R3HDM2: variants seen among roughly 807,000 people sequenced by gnomAD.
R3HDM2 encodes R3H domain containing 2, also known as R3H domain-containing protein 2.
In R3HDM2, 38 loss-of-function variants were observed where a neutral mutation model predicts 124.5. That is an observed-to-expected ratio of 0.31 (90% CI 0.24 to 0.40). R3HDM2 has a LOEUF of 0.40. R3HDM2 is among the 10% of genes least tolerant of loss of function. The pLI is 1.00. For synonymous variants in R3HDM2, 391 were observed against 448.0 expected, an observed-to-expected ratio of 0.87 and a Z score of 1.61; for missense variants, 869 against 1,236.9, an observed-to-expected ratio of 0.70 and a Z score of 4.46.
chr12:57,370,034 GCT>G (rs1327378710), intron 2 of R3HDM2, among the ~76,000 whole-genome samples: 1 of 152,078 alleles, frequency 6.6e-6, no homozygotes, highest in Non-Finnish European at 1.5e-5. Flanking sequence ...TTTTCAACTG[GCT>G]TTTTCAAGGA....
chr12:57,348,134 C>T (rs1008244081), intron 2 of R3HDM2, among the ~76,000 whole-genome samples: 1 of 152,126 alleles, frequency 6.6e-6, no homozygotes, highest in African/African-American at 2.4e-5. Flanking sequence ...AAGTGAGAAA[C>T]AGAAATCAGC....
chr12:57,360,108 A>C (rs1398699817), intron 2 of R3HDM2, among the ~76,000 whole-genome samples: 1 of 146,870 alleles, frequency 6.8e-6, no homozygotes, highest in African/African-American at 2.5e-5. Flanking sequence ...AGATCACTGC[A>C]ACCTCCGCCT....
chr12:57,405,629 C>A (rs1257200886), intron 1 of R3HDM2, among the ~76,000 whole-genome samples: 1 of 151,832 alleles, frequency 6.6e-6, no homozygotes, highest in Non-Finnish European at 1.5e-5. Context: ...GTGAGACTGT[C>A]TCAAAAAAAG....
At chr12:57,400,691 C>A (rs2067968044) in intron 1 of R3HDM2, among the ~76,000 whole-genome samples, 1 of 152,104 alleles carries the variant, frequency 6.6e-6, no homozygotes, top group African/African-American at 2.4e-5. Context: ...CTTCATGGAG[C>A]AACTAGCAAC....
chr12:57,329,438 G>A (rs979787048), intron 2 of R3HDM2, among the ~76,000 whole-genome samples: 2 of 152,112 alleles, frequency 1.3e-5, no homozygotes, highest in African/African-American at 4.8e-5. Context: ...TTATCTGTAG[G>A]ATAGGCATGA....
intron 1 of R3HDM2, among the ~76,000 whole-genome samples, chr12:57,420,537 T>A (rs76301555): frequency 6.6e-6 from 1 of 151,088 alleles, no homozygotes; most frequent in Non-Finnish European, 1.5e-5. Flanking sequence ...TTTTTTTTTT[T>A]AATAGAGATG....
chr12:57,389,044 T>C (rs2066292243), intron 2 of R3HDM2, among the ~76,000 whole-genome samples: 1 of 152,168 alleles, frequency 6.6e-6, no homozygotes, highest in African/African-American at 2.4e-5. Context: ...AACAACAGAA[T>C]GGTTTTGGAC....
intron 2 of R3HDM2, among the ~76,000 whole-genome samples, chr12:57,352,686 G>A (rs1170482992): frequency 6.6e-6 from 1 of 151,864 alleles, no homozygotes; most frequent in Non-Finnish European, 1.5e-5. Context: ...TAGACATGGG[G>A]TTTCACCATG....
chr12:57,347,161 A>T (rs2060173649), intron 2 of R3HDM2, among the ~76,000 whole-genome samples: 1 of 152,052 alleles, frequency 6.6e-6, no homozygotes, highest in African/African-American at 2.4e-5. Flanking sequence ...AGGGAGGATC[A>T]CTTGAGTCCA....
intron 1 of R3HDM2, among the ~76,000 whole-genome samples, chr12:57,426,456 G>C (rs1466130364): frequency 6.6e-6 from 1 of 152,172 alleles, no homozygotes; most frequent in African/African-American, 2.4e-5. Flanking sequence ...GTCTCTACAT[G>C]AATTGGTGGG....
At chr12:57,429,448 T>C (rs533063764) in intron 1 of R3HDM2, among the ~76,000 whole-genome samples, 1 of 152,236 alleles carries the variant, frequency 6.6e-6, no homozygotes, top group East Asian at 1.9e-4. Flanking sequence ...ACTTTTTGTC[T>C]TTCCCGGCGC....
At chr12:57,401,375 G>A (rs2068034417) in intron 1 of R3HDM2, among the ~76,000 whole-genome samples, 1 of 151,902 alleles carries the variant, frequency 6.6e-6, no homozygotes, top group Admixed American at 6.6e-5. Flanking sequence ...GCCTGCAAGA[G>A]GCCATACCAA....
At chr12:57,352,484 G>A (rs919449418) in intron 2 of R3HDM2, among the ~76,000 whole-genome samples, 1 of 150,154 alleles carries the variant, frequency 6.7e-6, no homozygotes, top group Non-Finnish European at 1.5e-5. Flanking sequence ...TGCCACACTA[G>A]GCAAACGCTT....
intron 2 of R3HDM2, among the ~76,000 whole-genome samples, chr12:57,345,608 A>G (rs2060013055): frequency 6.6e-6 from 1 of 152,008 alleles, no homozygotes; most frequent in South Asian, 2.1e-4. Flanking sequence ...ATTGCAGCTC[A>G]CTGCAGCGTT....
chr12:57,341,632 G>A (rs771535639), intron 2 of R3HDM2: 6 of 156,936 alleles, frequency 3.8e-5, no homozygotes, highest in Non-Finnish European at 8.3e-5. Flanking sequence ...TAGTAAAAAG[G>A]TTTTAACAAA....
intron 2 of R3HDM2, among the ~76,000 whole-genome samples, chr12:57,358,234 G>A (rs551250811): frequency 5.9e-5 from 9 of 151,816 alleles, no homozygotes; most frequent in South Asian, 4.2e-4. Flanking sequence ...TGATCCGCCC[G>A]CCTAGGCCTC....
intron 2 of R3HDM2, among the ~76,000 whole-genome samples, chr12:57,370,771 G>A (rs1023438297): frequency 1.3e-5 from 2 of 152,070 alleles, no homozygotes; most frequent in Admixed American, 6.6e-5. Context: ...AAAGCACAAG[G>A]GAAAAATAGT....
chr12:57,315,328 A>G (rs926290776), intron 2 of R3HDM2, among the ~76,000 whole-genome samples: 1 of 152,108 alleles, frequency 6.6e-6, no homozygotes, highest in Non-Finnish European at 1.5e-5. Flanking sequence ...GGTGTGAGCC[A>G]CTGCACCCAG....
chr12:57,315,105 C>G (rs2054740846), intron 2 of R3HDM2, among the ~76,000 whole-genome samples: 2 of 151,860 alleles, frequency 1.3e-5, no homozygotes, highest in Non-Finnish European at 2.9e-5. Context: ...CAGTGGCAAT[C>G]TCACTCACTG....
Sources: gnomAD v4.1 joint callset for allele counts (sites outside exome capture counted in the v4.1 genomes callset) on GRCh38, gnomAD v4.1.1 for gene constraint, MANE v1.5 for transcripts, NCBI Gene and HGNC (gene_info 2026-07-23, HGNC 2026-07-21) for gene names.